The following PMPCA variants were observed in gnomAD, a reference collection of about 807,000 sequenced individuals.
PMPCA encodes peptidase, mitochondrial processing subunit alpha.
In PMPCA, 47 loss-of-function variants were observed where a neutral mutation model predicts 59.3. That is an observed-to-expected ratio of 0.79 (90% CI 0.63 to 1.01). PMPCA has a LOEUF of 1.01. PMPCA is among the 50% of genes least tolerant of loss of function. PMPCA has a pLI of 0.00. For missense variants in PMPCA, 726 were observed against 704.5 expected, an observed-to-expected ratio of 1.03 and a Z score of -0.34; for synonymous variants, 338 against 290.3, an observed-to-expected ratio of 1.16 and a Z score of -1.67.
rs767481786 is a variant in PMPCA at position 136,417,102 on chromosome 9, A to T, written c.785A>T (p.His262Leu). ...VLAGVGVEHE[H>L]LVDCARKYLL... ...GCCGGCGTGGGCGTGGAGCACGAGC[A>T]TCTGGTGGACTGTGCCCGGAAGTAC... The change falls in exon 7 of 13, where the codon CAT (histidine) becomes CTT (leucine). Residue 262 changes from histidine to leucine, a missense_variant. His to Leu is a moderately conservative substitution (Grantham distance 99, BLOSUM62 -3). Coordinates refer to ENST00000371717, the MANE Select transcript of PMPCA (RefSeq NM_015160.3). 2.5e-6 allele frequency: 4 copies of T among 1,613,938 alleles called. No individual in the cohort carries two copies. In the South Asian group the frequency reaches 3.3e-5, roughly 13 times the overall value.
At position 136,421,404 on chromosome 9, in the gene PMPCA, G is replaced by GTTTTTTTGTTTTTTTT. The variant is rs780035978; in HGVS notation, c.1264-421_1264-420insGTTTTTTTTTTTTTTT. Among the ~76,000 whole-genome samples the GTTTTTTTGTTTTTTTT allele has an allele frequency of 1.9e-4, 22 of 118,000 alleles. 1 individual carries two copies. The highest frequency in any genetic ancestry group is 2.8e-4 in the Non-Finnish European group (16 of 57,640). 77.4% of individuals were successfully genotyped at this position (118,000 alleles called of 152,430 possible). A position where few individuals can be genotyped will look rare whatever the true frequency, so the allele number is the denominator to read the frequency against. ...GCCTGTGACTTGGGCCTGGGTTCCC[G>GTTTTTTTGTTTTTTTT]TTTTTTTTTTTTTTTTTTTTTTTGA... On this transcript the variant is annotated intron_variant, in intron 11 of 12. Coordinates refer to ENST00000371717, the MANE Select transcript of PMPCA (RefSeq NM_015160.3).
At chr9:136,418,942 C>T (rs746465325) in intron 10 of PMPCA, 24 bp downstream of exon 10, 1 of 1,608,266 alleles carries the variant, frequency 6.2e-7, no homozygotes, top group Non-Finnish European at 8.5e-7. Context: ...CTGCCACCGT[C>T]CTCAGTGCGG....
chr9:136,421,982 T>G lies in PMPCA; in HGVS notation c.1408+6T>G. 2 of 1,606,402 alleles carry G rather than the reference T, an allele frequency of 1.2e-6. No homozygotes were observed. The highest frequency in any genetic ancestry group is 8.5e-7 in the Non-Finnish European group (1 of 1,176,498). ...CGAGCTGTGCACGCTCATCCGTGAG[T>G]ACCGCAGGGGTAGTGAGGGGCTGCC... On this transcript the variant is annotated splice_donor_region_variant and intron_variant, in intron 12 of 12. Transcript: ENST00000371717.
rs746549806 is a variant in PMPCA at position 136,417,083 on chromosome 9, G to A, written c.766G>A (p.Val256Met). ...YTPDRMVLAG[V>M]GVEHEHLVDC... ...TCCCGACCGCATGGTGCTGGCCGGC[G>A]TGGGCGTGGAGCACGAGCATCTGGT... Residue 256 changes from valine (V) to methionine (M), a missense_variant, in exon 7 of 13, where the codon GTG becomes ATG. Physicochemically the swap from Val to Met is conservative, Grantham distance 21 (BLOSUM62 1). Transcript: ENST00000371717. The A allele has an allele frequency of 1.4e-5, 23 of 1,613,898 alleles. No individual in the cohort carries two copies. Among genetic ancestry groups the A allele is most frequent in the Non-Finnish European group, 1.9e-5 (22 of 1,180,046 alleles).
intron 10 of PMPCA, 46 bp from the exon 11 acceptor site, chr9:136,418,998 C>T (rs376254712): frequency 8.7e-6 from 14 of 1,602,220 alleles, no homozygotes; most frequent in Non-Finnish European, 1.1e-5. Context: ...GGTCAGTAGG[C>T]CGGCAGGCGC....
chr9:136,422,769 G>A, intron 12 of PMPCA: 1 of 1,134,008 alleles, frequency 8.8e-7, no homozygotes, highest in Admixed American at 4.1e-5. Context: ...GCCCTCGGGG[G>A]CTGGGGGTTT....
chr9:136,418,235 CCT>C lies in PMPCA; in HGVS notation c.990+129_990+130del, dbSNP rs373776585. The C allele has an allele frequency of 3.5e-4, 258 of 734,154 alleles. 2 individuals carry two copies. The East Asian group carries it at 3.9e-3, about 11-fold the overall frequency. The allele number at this position is 734,154 out of a possible 1,614,324, so 45.5% of individuals were successfully genotyped here. On this transcript the variant is annotated intron_variant, in intron 8 of 12. Transcript: ENST00000371717. ...GCGTGGGCGGCTCAGCCAGCTCTGC[CCT>C]CTGTCCCTGGCATCCAGCAATGCTC...
chr9:136,411,967 G>A (rs1835134899), intron 1 of PMPCA, 30 bp from the exon 2 acceptor site: 3 of 1,421,986 alleles, frequency 2.1e-6, no homozygotes, highest in South Asian at 1.2e-5. Context: ...TCTCAAGCCT[G>A]TTGTAACTGG....
chr9:136,414,271 A>G (rs1041386939), intron 4 of PMPCA, among the ~76,000 whole-genome samples: 2 of 152,248 alleles, frequency 1.3e-5, no homozygotes, highest in African/African-American at 4.8e-5. Context: ...TCACACTGTA[A>G]GACAGGAAAA....
chr9:136,418,673 G>A lies in PMPCA; in HGVS notation c.1109G>A (p.Arg370Lys). The change falls in exon 9 of 13, where the codon AGG becomes AAG. Residue 370 changes from arginine to lysine, a missense_variant and splice_region_variant. Arg to Lys is a conservative substitution (Grantham distance 26, BLOSUM62 2). Coordinates refer to ENST00000371717, the MANE Select transcript of PMPCA (RefSeq NM_015160.3). The stretch of plus-strand genomic sequence containing the variant: ...AGGCTCTACCTCAACGTGCTCAACA[G>A]GTGGGTTGCACTCTTTTCTGTATCC... ...FSRLYLNVLN[R>K]HHWMYNATSY... 6.2e-7 allele frequency: 1 copy of A among 1,601,824 alleles called. No individual in the cohort carries two copies. Among genetic ancestry groups the A allele is most frequent in the Non-Finnish European group, 8.6e-7 (1 of 1,168,794 alleles).
chr9:136,422,813 A>T, intron 12 of PMPCA: 1 of 1,229,500 alleles, frequency 8.1e-7, no homozygotes, highest in African/African-American at 1.5e-5. Flanking sequence ...AGTTCATCAG[A>T]CACGGAGCTC....
chr9:136,413,166 G>C (rs1835183093), intron 4 of PMPCA, among the ~76,000 whole-genome samples: 1 of 152,230 alleles, frequency 6.6e-6, no homozygotes, highest in Admixed American at 6.5e-5. Context: ...AGAGGGCCTT[G>C]CATACGTAAT....
At position 136,421,862 on chromosome 9, in the gene PMPCA, A is replaced by G; in HGVS notation, c.1294A>G (p.Thr432Ala). The G allele has an allele frequency of 6.2e-7, 1 of 1,602,544 alleles. No individual in the cohort carries two copies. Among genetic ancestry groups the G allele is most frequent in the South Asian group, 1.1e-5 (1 of 90,604 alleles). ...GCTGGAACGAGCCAAGACGCAGCTGACATCAATGCTCATGATGAACCTGGA... is the reference window on the plus strand; with the variant it reads ...GCTGGAACGAGCCAAGACGCAGCTGGCATCAATGCTCATGATGAACCTGGA... Reference protein sequence around the residue: ...VELERAKTQLTSMLMMNLESR... With the variant: ...VELERAKTQLASMLMMNLESR... The change falls in exon 12 of 13, where the codon ACA becomes GCA. Residue 432 changes from threonine to alanine, a missense_variant. Transcript: ENST00000371717.
chr9:136,416,051 G>A (rs907245438), intron 5 of PMPCA: 2 of 579,928 alleles, frequency 3.4e-6, no homozygotes, highest in Non-Finnish European at 3.1e-6. Flanking sequence ...GGCTTAGCAG[G>A]CTCACGTGGC....
intron 1 of PMPCA, 133 bp downstream of exon 1, chr9:136,410,872 C>G: frequency 4.3e-6 from 3 of 694,720 alleles, no homozygotes; most frequent in Non-Finnish European, 6.1e-6. Flanking sequence ...CTGGTGTCCC[C>G]GAGGCGACGG....
intron 4 of PMPCA, among the ~76,000 whole-genome samples, chr9:136,413,993 G>GC (rs1362806580): frequency 6.6e-6 from 1 of 152,210 alleles, no homozygotes; most frequent in African/African-American, 2.4e-5. Context: ...CCATGGGCCA[G>GC]CTCTGTGCAC....
chr9:136,415,783 C>T (rs1835256760), intron 5 of PMPCA, among the ~76,000 whole-genome samples: 1 of 152,220 alleles, frequency 6.6e-6, no homozygotes, highest in Non-Finnish European at 1.5e-5. Context: ...CAGGCGCCCG[C>T]CACCGCGCCC....
intron 12 of PMPCA, chr9:136,422,249 CA>C: frequency 7.2e-7 from 1 of 1,381,086 alleles, no homozygotes; most frequent in Non-Finnish European, 9.5e-7. Context: ...CACTACTGCC[CA>C]GAGTTGTTAA....
intron 11 of PMPCA, chr9:136,420,598 C>CG (rs1173553359): frequency 6.6e-6 from 1 of 152,154 alleles, no homozygotes; most frequent in Admixed American, 6.5e-5. Context: ...TTTGGGATCC[C>CG]GGTGTGAGCC....
Sources: allele counts gnomAD v4.1 joint callset (sites outside exome capture counted in the v4.1 genomes callset), GRCh38; gene constraint gnomAD v4.1.1; transcripts MANE v1.5; gene names NCBI Gene and HGNC (gene_info 2026-07-23, HGNC 2026-07-21).